Variants in RBFOX1 observed in about 807,000 individuals in gnomAD.
RBFOX1 encodes RNA binding protein fox-1 homolog 1.
A neutral mutation model predicts 57.7 loss-of-function variants in RBFOX1; 8 were observed. That is an observed-to-expected ratio of 0.14 (90% CI 0.08 to 0.25). RBFOX1 has a LOEUF of 0.25. Among genes scored for constraint, RBFOX1 ranks in the 10% least tolerant of loss-of-function variants. The pLI is 1.00. For missense variants in RBFOX1, 611 were observed against 548.5 expected (o/e 1.11, Z -1.14); for synonymous variants, 326 against 222.4 (o/e 1.47, Z -4.15).
chr16:6,783,172 TA>T (rs35783366), intron 3 of RBFOX1, among the ~76,000 whole-genome samples: 15,902 of 151,626 alleles, frequency 0.1, 905 homozygotes, highest in African/African-American at 0.14. Flanking sequence ...TGGGTCTTTT[TA>T]AAAAAAAATT....
intron 2 of RBFOX1, among the ~76,000 whole-genome samples, chr16:6,561,945 C>G (rs761031677): frequency 2.6e-5 from 4 of 152,108 alleles, no homozygotes; most frequent in Non-Finnish European, 5.9e-5. Context: ...CAAGCTAAAG[C>G]TAACCACATT....
At chr16:6,706,951 A>G (rs1202727701) in intron 3 of RBFOX1, among the ~76,000 whole-genome samples, 5 of 152,184 alleles carry the variant, frequency 3.3e-5, no homozygotes, top group Non-Finnish European at 7.3e-5. Flanking sequence ...AAAGAAAACC[A>G]TGAAAAATTA....
chr16:6,717,613 G>A (rs1222077096), intron 3 of RBFOX1, among the ~76,000 whole-genome samples: 2 of 151,302 alleles, frequency 1.3e-5, no homozygotes, highest in African/African-American at 2.4e-5. Context: ...GAAATACGGT[G>A]ATTTTTTACA....
chr16:6,408,755 AAAC>A (rs941256352), intron 2 of RBFOX1, among the ~76,000 whole-genome samples: 21 of 152,318 alleles, frequency 1.4e-4, no homozygotes, highest in Admixed American at 9.8e-4. Flanking sequence ...TTCACAGGTC[AAAC>A]AACAAGTCAG....
chr16:5,737,678 C>T (rs1489231063), intron 3 of RBFOX1, among the ~76,000 whole-genome samples: 6 of 151,860 alleles, frequency 4.0e-5, no homozygotes, highest in South Asian at 2.1e-4. Flanking sequence ...GCACTGTCTC[C>T]GTACCTAAAC....
At chr16:6,121,889 A>G (rs890054837) in intron 1 of RBFOX1, among the ~76,000 whole-genome samples, 2 of 152,140 alleles carry the variant, frequency 1.3e-5, no homozygotes, top group African/African-American at 2.4e-5. Flanking sequence ...TTAGTAGTCA[A>G]TGACTCTTTT....
At chr16:6,435,149 A>T (rs980103036) in intron 2 of RBFOX1, among the ~76,000 whole-genome samples, 4 of 151,962 alleles carry the variant, frequency 2.6e-5, no homozygotes, top group Non-Finnish European at 5.9e-5. Context: ...GCTTGCCATC[A>T]CTTTTTCGTA....
intron 2 of RBFOX1, among the ~76,000 whole-genome samples, chr16:5,522,786 C>T (rs571311714): frequency 5.4e-4 from 82 of 152,246 alleles, no homozygotes; most frequent in African/African-American, 1.9e-3. Context: ...AGTAAGAATG[C>T]GTCACGTTTG....
intron 3 of RBFOX1, among the ~76,000 whole-genome samples, chr16:5,772,185 C>G (rs1381710043): frequency 1.3e-5 from 2 of 152,074 alleles, no homozygotes; most frequent in Admixed American, 6.6e-5. Context: ...AAATAAAAAA[C>G]AGAGGCTAGT....
intron 2 of RBFOX1, among the ~76,000 whole-genome samples, chr16:6,629,555 A>T (rs901682092): frequency 4.6e-5 from 7 of 152,116 alleles, no homozygotes; most frequent in Non-Finnish European, 8.8e-5. Flanking sequence ...ATAAAAATCA[A>T]CATTAATTGG....
At chr16:7,658,336 T>G (rs1233340410) in intron 12 of RBFOX1, among the ~76,000 whole-genome samples, 1 of 152,176 alleles carries the variant, frequency 6.6e-6, no homozygotes, top group Non-Finnish European at 1.5e-5. Flanking sequence ...GTTGAGGCAC[T>G]TGCATTGCTT....
At chr16:5,396,879 A>G (rs2066574286) in intron 1 of RBFOX1, among the ~76,000 whole-genome samples, 1 of 152,216 alleles carries the variant, frequency 6.6e-6, no homozygotes, top group Non-Finnish European at 1.5e-5. Context: ...ACCGTGATTT[A>G]TAGAGATTCT....
chr16:6,774,087 A>G, intron 3 of RBFOX1: 1 of 808,106 alleles, frequency 1.2e-6, no homozygotes, highest in Non-Finnish European at 1.5e-6. Context: ...CCTAGCTTTA[A>G]ATTACCAAGA....
chr16:7,520,076 G>A (rs538905116), intron 5 of RBFOX1, among the ~76,000 whole-genome samples: 4 of 151,950 alleles, frequency 2.6e-5, no homozygotes, highest in Admixed American at 1.3e-4. Flanking sequence ...TGGTAGAGAC[G>A]GGATTTCACT....
intron 3 of RBFOX1, among the ~76,000 whole-genome samples, chr16:5,679,152 C>G (rs753354922): frequency 5.3e-5 from 8 of 152,156 alleles, no homozygotes; most frequent in Non-Finnish European, 1.0e-4. Context: ...GCAGAGTACC[C>G]TGGAAAGGGC....
At chr16:7,129,211 A>G (rs186138978) in intron 4 of RBFOX1, among the ~76,000 whole-genome samples, 10 of 152,224 alleles carry the variant, frequency 6.6e-5, no homozygotes, top group East Asian at 5.8e-4. Context: ...CCTCATTGCA[A>G]TGTTCTTTAT....
At chr16:6,595,868 C>G (rs765942783) in intron 2 of RBFOX1, among the ~76,000 whole-genome samples, 7 of 151,900 alleles carry the variant, frequency 4.6e-5, no homozygotes, top group Non-Finnish European at 1.0e-4. Flanking sequence ...TTGGACAAAC[C>G]CTATTAAAAA....
At chr16:5,625,747 A>G (rs1036310515) in intron 3 of RBFOX1, among the ~76,000 whole-genome samples, 2 of 151,774 alleles carry the variant, frequency 1.3e-5, no homozygotes, top group Non-Finnish European at 2.9e-5. Context: ...TGGTAGAGAC[A>G]GGGTTTCATC....
chr16:7,486,656 G>T (rs372879052), intron 4 of RBFOX1, among the ~76,000 whole-genome samples: 1 of 152,136 alleles, frequency 6.6e-6, no homozygotes, highest in East Asian at 1.9e-4. Context: ...ACCCAGGCTT[G>T]ATAGAAGGTA....
Sources: allele counts gnomAD v4.1 joint callset (sites outside exome capture counted in the v4.1 genomes callset), GRCh38; gene constraint gnomAD v4.1.1; transcripts MANE v1.5; gene names NCBI Gene and HGNC (gene_info 2026-07-23, HGNC 2026-07-21).